The following NLGN1 variants were observed in gnomAD, a reference collection of about 807,000 sequenced individuals.
The protein encoded by NLGN1 is neuroligin 1, also known as neuroligin-1.
NLGN1 carries 12 observed loss-of-function variants against 65.5 expected under a neutral mutation model. The observed-to-expected ratio is 0.18, with a 90% CI of 0.12 to 0.30. The LOEUF (loss-of-function observed/expected upper bound fraction) is 0.30. NLGN1 is among the 10% of genes least tolerant of loss of function. NLGN1 has a pLI of 1.00. For missense variants in NLGN1, 750 were observed against 1,007.1 expected, an observed-to-expected ratio of 0.74 and a Z score of 3.46; for synonymous variants, 350 against 359.5, an observed-to-expected ratio of 0.97 and a Z score of 0.30.
chr3:173,626,252 G>A (rs1208148803), intron 3 of NLGN1, among the ~76,000 whole-genome samples: 1 of 151,942 alleles, frequency 6.6e-6, no homozygotes, highest in African/African-American at 2.4e-5. Context: ...ACCATTTTGG[G>A]CAGTGCAGCT....
rs115034902 is a variant in NLGN1, at chr3:174,189,675, T to C, written c.647-85640T>C. On this transcript the variant is annotated intron_variant, in intron 4 of 6. Coordinates refer to ENST00000457714, the Ensembl canonical transcript of NLGN1. ...TCATTACACTAATAGTCTAGTATTA[T>C]GTAAATGCATTTTATCCAAATATCT... Among the ~76,000 whole-genome samples the C allele has an allele frequency of 6.8e-3, 1,034 of 152,108 alleles. 5 individuals are homozygous for C. The highest frequency in any genetic ancestry group is 0.011 in the Non-Finnish European group (744 of 67,928).
chr3:174,070,659 A>C (rs57754389), intron 4 of NLGN1, among the ~76,000 whole-genome samples: 37,366 of 152,098 alleles, frequency 0.25, 5,257 homozygotes, highest in African/African-American at 0.39. Context: ...ATGAAAAGTT[A>C]ACATATTAAA....
chr3:174,260,157 G>A (rs1380277211), intron 4 of NLGN1, among the ~76,000 whole-genome samples: 4 of 151,466 alleles, frequency 2.6e-5, no homozygotes, highest in African/African-American at 7.3e-5. Context: ...GTGTGCATGT[G>A]TCTTTATAGC....
intron 4 of NLGN1, among the ~76,000 whole-genome samples, chr3:174,164,944 C>T (rs954859109): frequency 3.3e-5 from 5 of 151,914 alleles, no homozygotes; most frequent in African/African-American, 1.2e-4. Flanking sequence ...GATATTGATT[C>T]TTCCAATCCA....
At chr3:173,645,921 C>G (rs1414882997) in intron 3 of NLGN1, among the ~76,000 whole-genome samples, 1 of 152,184 alleles carries the variant, frequency 6.6e-6, no homozygotes, top group African/African-American at 2.4e-5. Flanking sequence ...GAGCTTGCTC[C>G]TTAAACAGTC....
In NLGN1 at chr3:174,244,839, A is replaced by G. The variant is rs80298639; in HGVS notation, c.647-30476A>G. Among the ~76,000 whole-genome samples, 834 of 152,322 alleles carry G rather than the reference A, an allele frequency of 5.5e-3. 48 individuals carry two copies. In the East Asian group the frequency reaches 0.13, roughly 24 times the overall value. ...TAATCGGTAATTTTTCACAGACGAC[A>G]TCTAATCTGTGAGTATAAATTACTT... On this transcript the variant is annotated intron_variant, in intron 4 of 6. Coordinates refer to ENST00000457714, the Ensembl canonical transcript of NLGN1.
intron 2 of NLGN1, among the ~76,000 whole-genome samples, chr3:173,513,996 G>C (rs1733418910): frequency 6.6e-6 from 1 of 152,098 alleles, no homozygotes; most frequent in Non-Finnish European, 1.5e-5. Context: ...GTTATACATT[G>C]TGTAACAATG....
Position 173,627,865 on chromosome 3 carries a change from GA to G in NLGN1, c.493+22785del, listed in dbSNP as rs549288510. On this transcript the variant is annotated intron_variant, in intron 3 of 6. Coordinates refer to ENST00000457714, the Ensembl canonical transcript of NLGN1. Reference sequence around the variant, plus strand: ...TTCATTTTAAAATGTTGGCTGTTCAGAAAAAAAAAAAGCTATTCCTGAAAAT... The same window carrying G: ...TTCATTTTAAAATGTTGGCTGTTCAGAAAAAAAAAAGCTATTCCTGAAAAT... Among the ~76,000 whole-genome samples the G allele has an allele frequency of 1.6e-3, 222 of 142,422 alleles. 2 individuals are homozygous for G. The highest frequency in any genetic ancestry group is 7.5e-3 in the South Asian group (34 of 4,506). The allele number at this position is 142,422 out of a possible 152,430, so 93.4% of individuals were successfully genotyped here. A position where few individuals can be genotyped will look rare whatever the true frequency, so the allele number is the denominator to read the frequency against.
At chr3:173,771,347 C>T (rs1000937630) in intron 3 of NLGN1, among the ~76,000 whole-genome samples, 4 of 152,124 alleles carry the variant, frequency 2.6e-5, no homozygotes, top group African/African-American at 9.7e-5. Context: ...ATTTTTGTGA[C>T]TCATCTGAAT....
rs573530804 is a variant in NLGN1 at position 173,796,572 on chromosome 3, G to C, written c.494-11108G>C. On this transcript the variant is annotated intron_variant, in intron 3 of 6. Transcript: ENST00000457714. Reference sequence around the variant, plus strand: ...AATTACTCTCACTCCCTTTCAAAATGACAGGAGGTCTACTCTCCTATTAAC... The same window carrying C: ...AATTACTCTCACTCCCTTTCAAAATCACAGGAGGTCTACTCTCCTATTAAC... 2.6e-5 allele frequency among the ~76,000 whole-genome samples: 4 copies of C among 152,180 alleles called. No individual in the cohort carries two copies. In the South Asian group the frequency reaches 8.3e-4, roughly 32 times the overall value.
At chr3:173,689,037 C>A (rs2149814637) in intron 3 of NLGN1, among the ~76,000 whole-genome samples, 1 of 152,292 alleles carries the variant, frequency 6.6e-6, no homozygotes, top group Non-Finnish European at 1.5e-5. Context: ...TTATGTCCTA[C>A]TCTGGTAGAC....
chr3:174,107,970 T>C (rs1297030962), intron 4 of NLGN1, among the ~76,000 whole-genome samples: 4 of 152,156 alleles, frequency 2.6e-5, no homozygotes, highest in Non-Finnish European at 5.9e-5. Flanking sequence ...GCCCATTTTC[T>C]AATTGAATCA....
chr3:173,411,845 G>T (rs995447470), intron 1 of NLGN1, among the ~76,000 whole-genome samples: 1 of 152,042 alleles, frequency 6.6e-6, no homozygotes, highest in Non-Finnish European at 1.5e-5. Flanking sequence ...AATACTAGTG[G>T]CAGCACCAGA....
In NLGN1 at chr3:173,752,353, C is replaced by G. The variant is rs1012422427; in HGVS notation, c.494-55327C>G. 5.3e-4 allele frequency among the ~76,000 whole-genome samples: 81 copies of G among 152,172 alleles called. 1 individual carries two copies. Among genetic ancestry groups the G allele is most frequent in the African/African-American group, 1.9e-3 (80 of 41,546 alleles). On this transcript the variant is annotated intron_variant, in intron 3 of 6. Coordinates refer to ENST00000457714, the Ensembl canonical transcript of NLGN1. ...CTCTGCCCTATATCAGTTGTTTACA[C>G]CCACTGGCATACCTTACACCTCGTC...
intron 3 of NLGN1, among the ~76,000 whole-genome samples, chr3:173,632,232 T>C (rs1755803580): frequency 6.6e-6 from 1 of 152,204 alleles, no homozygotes; most frequent in South Asian, 2.1e-4. Flanking sequence ...GGGTTTAGTA[T>C]GCTGTACATA....
At chr3:173,792,574 A>G (rs1185505928) in intron 3 of NLGN1, among the ~76,000 whole-genome samples, 2 of 152,148 alleles carry the variant, frequency 1.3e-5, no homozygotes, top group Admixed American at 6.6e-5. Context: ...AACATATGGA[A>G]TAAAATACAC....
At chr3:173,442,915 G>T (rs1184404714) in intron 2 of NLGN1, among the ~76,000 whole-genome samples, 1 of 152,090 alleles carries the variant, frequency 6.6e-6, no homozygotes, top group Non-Finnish European at 1.5e-5. Flanking sequence ...AAGTAACCCA[G>T]CAGCCTATAG....
chr3:173,573,786 G>A (rs1404624991), intron 2 of NLGN1, among the ~76,000 whole-genome samples: 1 of 151,312 alleles, frequency 6.6e-6, no homozygotes, highest in Non-Finnish European at 1.5e-5. Context: ...TGAAAAGGCC[G>A]GGCGCGGTGG....
At chr3:174,290,003 T>A (rs1326291207), downstream of NLGN1, among the ~76,000 whole-genome samples, 6 of 135,652 alleles carry the variant, frequency 4.4e-5, no homozygotes, top group Non-Finnish European at 8.1e-5. Flanking sequence ...ATTCTTTTTT[T>A]AAATTTATCT....
Sources: allele counts gnomAD v4.1 joint callset (sites outside exome capture counted in the v4.1 genomes callset), GRCh38; gene constraint gnomAD v4.1.1; transcripts MANE v1.5; gene names NCBI Gene and HGNC (gene_info 2026-07-23, HGNC 2026-07-21).